ACACA: variants seen among roughly 807,000 people sequenced by gnomAD.
ACACA encodes acetyl-CoA carboxylase 1.
ACACA carries 103 observed loss-of-function variants against 296.1 expected under a neutral mutation model. The ratio of observed to expected loss-of-function variants is 0.35; its 90% CI spans 0.30 to 0.41. ACACA has a LOEUF of 0.41. Among genes scored for constraint, ACACA ranks in the 10% least tolerant of loss-of-function variants. ACACA has a pLI of 1.00. For synonymous variants in ACACA, 953 were observed against 1,038.6 expected, an observed-to-expected ratio of 0.92 and a Z score of 1.58; for missense variants, 1,554 against 2,989.7, an observed-to-expected ratio of 0.52 and a Z score of 11.20.
intron 1 of ACACA, among the ~76,000 whole-genome samples, chr17:37,353,637 T>TAAAAAAA (rs1169088763): frequency 5.3e-5 from 3 of 56,688 alleles, no homozygotes; most frequent in East Asian, 6.1e-4. Flanking sequence ...AGACTCCGTC[T>TAAAAAAA]AAAAAAAAAA....
chr17:37,111,407 A>AT, intron 52 of ACACA, 124 bp downstream of exon 52: 1 of 776,794 alleles, frequency 1.3e-6, no homozygotes, highest in Non-Finnish European at 2.3e-6. Flanking sequence ...TATAGAGGAC[A>AT]GTAAATAAAG....
intron 54 of ACACA, among the ~76,000 whole-genome samples, chr17:37,090,589 T>A (rs1798934046): frequency 6.6e-6 from 1 of 152,150 alleles, no homozygotes; most frequent in Non-Finnish European, 1.5e-5. Context: ...TCCCAGCATC[T>A]CTCAAGGCCA....
chr17:37,115,981 CTT>C (rs892423114), intron 50 of ACACA, among the ~76,000 whole-genome samples: 2 of 145,852 alleles, frequency 1.4e-5, no homozygotes. Flanking sequence ...CTACTTCATT[CTT>C]TTTTTTTTTT....
At chr17:37,297,707 C>G (rs892378796) in intron 3 of ACACA, among the ~76,000 whole-genome samples, 3 of 151,776 alleles carry the variant, frequency 2.0e-5, no homozygotes, top group Non-Finnish European at 4.4e-5. Context: ...CCTGCCACCA[C>G]GCCCAGCTAA....
chr17:37,215,266 T>C (rs2145541954), intron 29 of ACACA, among the ~76,000 whole-genome samples: 1 of 152,324 alleles, frequency 6.6e-6, no homozygotes, highest in South Asian at 2.1e-4. Context: ...TTTCCATCTA[T>C]GAAATAGGTG....
At chr17:37,391,536 G>A in intron 1 of ACACA, 1 of 911,966 alleles carries the variant, frequency 1.1e-6, no homozygotes, top group Admixed American at 1.9e-5. Flanking sequence ...GCAAAATGAA[G>A]TGCACTTGGA....
intron 29 of ACACA, among the ~76,000 whole-genome samples, chr17:37,216,206 G>GTATA (rs1408341144): frequency 4.1e-5 from 6 of 146,102 alleles, no homozygotes; most frequent in African/African-American, 1.6e-4. Context: ...GTGTGTGTGT[G>GTATA]TGTATATATA....
chr17:37,129,416 T>G lies in ACACA; in HGVS notation c.5893A>C (p.Thr1965Pro). ...CATCGAGGATCGTATGGGGTCTTTG[T>G]GGGAACAAACTCGATGATTCTGTCT... ...PIDRIIEFVP[T>P]KTPYDPRWML... The change falls in exon 47 of 56, where the codon ACA becomes CCA. Residue 1965 changes from threonine (T) to proline (P), a missense_variant. Around this residue, in one of 16 missense-constraint regions of ACACA, gnomAD observed 553 missense variants for 1,043.6 expected, o/e 0.53. Coordinates refer to ENST00000616317, the MANE Select transcript of ACACA (RefSeq NM_198834.3). 6.2e-7 allele frequency: 1 copy of G among 1,614,118 alleles called. No individual in the cohort carries two copies. Among genetic ancestry groups the G allele is most frequent in the Non-Finnish European group, 8.5e-7 (1 of 1,179,992 alleles).
intron 11 of ACACA, among the ~76,000 whole-genome samples, chr17:37,260,092 G>C (rs1400208393): frequency 2.7e-5 from 4 of 150,228 alleles, no homozygotes. Flanking sequence ...ATGTTGGCCA[G>C]CCTGGTCTCA....
chr17:37,256,323 A>T (rs2146178410), intron 14 of ACACA, among the ~76,000 whole-genome samples: 1 of 152,296 alleles, frequency 6.6e-6, no homozygotes, highest in African/African-American at 2.4e-5. Flanking sequence ...CTTCATACCA[A>T]TGTTTTTTTC....
intron 44 of ACACA, among the ~76,000 whole-genome samples, chr17:37,150,826 G>A (rs2076008050): frequency 6.6e-6 from 1 of 151,744 alleles, no homozygotes; most frequent in South Asian, 2.1e-4. Flanking sequence ...GGCTGAGGCG[G>A]GTGGATCACG....
intron 38 of ACACA, among the ~76,000 whole-genome samples, chr17:37,189,157 G>A (rs962780045): frequency 6.6e-6 from 1 of 152,070 alleles, no homozygotes; most frequent in Non-Finnish European, 1.5e-5. Context: ...AGTTTTTAGG[G>A]GTAGGACAGT....
At chr17:37,356,473 G>C (rs573571800) in intron 1 of ACACA, among the ~76,000 whole-genome samples, 30 of 152,048 alleles carry the variant, frequency 2.0e-4, no homozygotes, top group Non-Finnish European at 3.4e-4. Context: ...CTGCCTCCCA[G>C]GTTCATGCCA....
At chr17:37,254,651 C>T (rs1044641040) in intron 14 of ACACA, among the ~76,000 whole-genome samples, 1 of 151,936 alleles carries the variant, frequency 6.6e-6, no homozygotes, top group Non-Finnish European at 1.5e-5. Flanking sequence ...TTGCCAGAAC[C>T]AGTAGATAGC....
intron 3 of ACACA, among the ~76,000 whole-genome samples, chr17:37,324,274 G>A (rs895814686): frequency 8.5e-5 from 13 of 152,094 alleles, no homozygotes; most frequent in African/African-American, 3.1e-4. Flanking sequence ...GCTGAGGCAG[G>A]AGAATCACAT....
chr17:37,278,375 C>A (rs1050288593), intron 5 of ACACA, among the ~76,000 whole-genome samples: 3 of 152,162 alleles, frequency 2.0e-5, no homozygotes, highest in African/African-American at 7.2e-5. Flanking sequence ...TTGTCTTTAA[C>A]TGGCACTGGA....
chr17:37,260,635 T>G (rs1454249772), intron 11 of ACACA, among the ~76,000 whole-genome samples: 1 of 152,118 alleles, frequency 6.6e-6, no homozygotes, highest in Non-Finnish European at 1.5e-5. Flanking sequence ...AAATGTCTCA[T>G]TCTCTATTCC....
At chr17:37,291,175 A>ATTT (rs2083045347) in intron 3 of ACACA, among the ~76,000 whole-genome samples, 3 of 7,380 alleles carry the variant, frequency 4.1e-4, no homozygotes, top group African/African-American at 1.3e-3. Flanking sequence ...CACATCTCAT[A>ATTT]ATATTTGTTT....
chr17:37,232,614 A>G (rs949178321), intron 25 of ACACA, among the ~76,000 whole-genome samples: 3 of 152,188 alleles, frequency 2.0e-5, no homozygotes, highest in African/African-American at 7.2e-5. Context: ...GCTTTTACCC[A>G]TGTTCCATAA....
Sources: allele counts gnomAD v4.1 joint callset (sites outside exome capture counted in the v4.1 genomes callset), GRCh38; gene constraint gnomAD v4.1.1; regional missense constraint gnomAD v4.1.1; transcripts MANE v1.5; gene names NCBI Gene and HGNC (gene_info 2026-07-23, HGNC 2026-07-21).